The following ICAM5 variants were observed in gnomAD, a reference collection of about 807,000 sequenced individuals.
The protein encoded by ICAM5 is ICAM-5.
ICAM5 carries 38 observed loss-of-function variants against 78.8 expected under a neutral mutation model. The observed-to-expected ratio is 0.48, with a 90% confidence interval of 0.37 to 0.63. The LOEUF (loss-of-function observed/expected upper bound fraction) is 0.63. Ranked by LOEUF, ICAM5 falls within the 30% of genes least tolerant of loss-of-function variation. The probability of loss-of-function intolerance (pLI) is 0.00; values close to 1 mark genes in which losing one functional copy is unlikely to be tolerated. For synonymous variants in ICAM5, 544 were observed against 590.9 expected, an observed-to-expected ratio of 0.92 and a Z score of 1.15; for missense variants, 1,059 against 1,303.0, an observed-to-expected ratio of 0.81 and a Z score of 2.88.
In ICAM5 at chr19:10,295,401, A is replaced by C. The variant is rs2040211930; in HGVS notation, c.2286A>C (p.Gly762=). The change falls in exon 10 of 11, where the codon GGA becomes GGC. Residue 762 remains glycine, a synonymous_variant. Transcript: ENST00000221980. ...AASPPGGVRP[G]GNFTLTCRAE... ...CGCCCCCTGGAGGCGTGCGCCCAGG[A>C]GGAAACTTCACGTTGACCTGCCGCG... The C allele has an allele frequency of 6.2e-7, 1 of 1,604,694 alleles. No homozygotes were observed. Among genetic ancestry groups the C allele is most frequent in the African/African-American group, 1.3e-5 (1 of 74,740 alleles).
chr19:10,293,398 C>CT lies in ICAM5; in HGVS notation c.1465+154dup. On this transcript the variant is annotated intron_variant, in intron 6 of 10. Transcript: ENST00000221980. This position sits in a 1 kb window ranked among gnomAD's most constrained non-coding sequence, Gnocchi z 5.0. ...CTGGTTAGTGGGGTTGGAGAAAGATCTTGGAGGATGGAAGGGACCGGGTGG... is the reference window on the plus strand; with the variant it reads ...CTGGTTAGTGGGGTTGGAGAAAGATCTTTGGAGGATGGAAGGGACCGGGTGG... 8.6e-7 allele frequency: 1 copy of CT among 1,163,412 alleles called. No homozygotes were observed. Among genetic ancestry groups the CT allele is most frequent in the Non-Finnish European group, 1.2e-6 (1 of 843,062 alleles). The allele number at this position is 1,163,412 out of a possible 1,614,324, so 72.1% of individuals were successfully genotyped here.
In ICAM5 at chr19:10,290,178, A is replaced by G. The variant is rs2040159351; in HGVS notation, c.82+53A>G. On this transcript the variant is annotated intron_variant, in intron 1 of 10. Coordinates refer to ENST00000221980, the MANE Select transcript of ICAM5 (RefSeq NM_003259.4). This position sits in a 1 kb window ranked among gnomAD's most constrained non-coding sequence, Gnocchi z 5.7. ...GACAGGGCGGGGGCGGAGTCCCTGG[A>G]CCTGAGAAACGGCCTCCTGTCCCTC... 1.5e-5 allele frequency: 20 copies of G among 1,327,858 alleles called. No individual in the cohort carries two copies. Among genetic ancestry groups the G allele is most frequent in the Non-Finnish European group, 2.0e-5 (20 of 992,954 alleles). The allele number at this position is 1,327,858 out of a possible 1,614,324, so 82.3% of individuals were successfully genotyped here.
chr19:10,294,381 C>T lies in ICAM5; in HGVS notation c.1991-20C>T, dbSNP rs1187011697. Reference sequence around the variant, plus strand: ...CCACGGTCCAGGCACTCCCTGACATCCCCCATGGCTGCTTTGCAGCGCCAC... The same window carrying T: ...CCACGGTCCAGGCACTCCCTGACATTCCCCATGGCTGCTTTGCAGCGCCAC... On this transcript the variant is annotated intron_variant, in intron 8 of 10. Coordinates refer to ENST00000221980, the MANE Select transcript of ICAM5 (RefSeq NM_003259.4). The surrounding 1 kb of genome is among the most constrained non-coding windows in gnomAD (Gnocchi z 7.7). 6.2e-7 allele frequency: 1 copy of T among 1,612,844 alleles called. No individual in the cohort carries two copies. Among genetic ancestry groups the T allele is most frequent in the Non-Finnish European group, 8.5e-7 (1 of 1,179,660 alleles).
chr19:10,295,072 G>C (rs2040209326), intron 9 of ICAM5, among the ~76,000 whole-genome samples: 1 of 152,280 alleles, frequency 6.6e-6, no homozygotes. Context: ...AACAGAAAAA[G>C]AAAATTATAG....
rs749948901 is a variant in ICAM5, at chr19:10,291,195, C to T, written c.206C>T (p.Thr69Ile). Residue 69 changes from threonine to isoleucine, a missense_variant, in exon 2 of 11, where the codon ACC (threonine) becomes ATC (isoleucine). By Grantham distance (89) the Thr-to-Ile change is moderately conservative. Coordinates refer to ENST00000221980, the MANE Select transcript of ICAM5 (RefSeq NM_003259.4). ...CGGCCGGAGCGCGGTGGCCTGGAGACCTCGCTGCGCCGAAACGGGACCCAG... is the reference window on the plus strand; with the variant it reads ...CGGCCGGAGCGCGGTGGCCTGGAGATCTCGCTGCGCCGAAACGGGACCCAG... ...CPRPERGGLE[T>I]SLRRNGTQRG... is the part of the protein sequence containing the mutation. 9.3e-6 allele frequency: 15 copies of T among 1,612,380 alleles called. No individual in the cohort carries two copies. The highest frequency in any genetic ancestry group is 1.3e-5 in the Non-Finnish European group (15 of 1,179,898).
rs2040219949 is a variant in ICAM5 at position 10,296,321 on chromosome 19, AG to A, written c.2498-15del. On this transcript the variant is annotated splice_polypyrimidine_tract_variant and intron_variant, in intron 10 of 10. Coordinates refer to ENST00000221980, the MANE Select transcript of ICAM5 (RefSeq NM_003259.4). ...CCCCGGAGCTTGGCCACCCTCCGCG[AG>A]GGTCTCCACCCCGCAGGTCCGTGGC... 18 of 1,230,302 alleles carry A rather than the reference AG, an allele frequency of 1.5e-5. No individual in the cohort carries two copies. The highest frequency in any genetic ancestry group is 1.7e-5 in the Non-Finnish European group (17 of 979,810). 76.2% of individuals were successfully genotyped at this position (1,230,302 alleles called of 1,614,324 possible).
chr19:10,291,186 GC>G lies in ICAM5; in HGVS notation c.199del (p.Leu67TrpfsTer57). The G allele has an allele frequency of 6.2e-7, 1 of 1,612,298 alleles. No individual in the cohort carries two copies. The highest frequency in any genetic ancestry group is 8.5e-7 in the Non-Finnish European group (1 of 1,179,902). ...STNCPRPERG[G>X]LETSLRRNGT... ...AACTGCCCTCGGCCGGAGCGCGGTG[GC>G]CTGGAGACCTCGCTGCGCCGAAACG... On this transcript the variant is annotated frameshift_variant, in exon 2 of 11. Coordinates refer to ENST00000221980, the MANE Select transcript of ICAM5 (RefSeq NM_003259.4). LOFTEE classifies it high-confidence loss of function.
chr19:10,294,699 G>T lies in ICAM5; in HGVS notation c.2230+59G>T, dbSNP rs554379963. 27 of 1,605,522 alleles carry T rather than the reference G, an allele frequency of 1.7e-5. No individual in the cohort carries two copies. In the African/African-American group the frequency reaches 2.7e-4, roughly 16 times the overall value. On this transcript the variant is annotated intron_variant, in intron 9 of 10. Transcript: ENST00000221980. The surrounding 1 kb of genome is among the most constrained non-coding windows in gnomAD (Gnocchi z 7.7). ...GGTCCTCGGAAGAATGACTCGCAGC[G>T]GTGGGAGCATTCAAGGGCACCTCTC...
rs1308827993 is a variant in ICAM5 at position 10,292,810 on chromosome 19, T to A, written c.1160T>A (p.Leu387His). ...CGCAGCTTCTTCTGCGACGCCACCC[T>A]CGATGTGGACGGGGAGACCCTGATC... Reference protein sequence around the residue: ...DRRSFFCDATLDVDGETLIKN... With the variant: ...DRRSFFCDATHDVDGETLIKN... Residue 387 changes from leucine to histidine, a missense_variant, in exon 5 of 11, where the codon CTC becomes CAC. Transcript: ENST00000221980. 6.2e-7 allele frequency: 1 copy of A among 1,612,442 alleles called. No individual in the cohort carries two copies. The highest frequency in any genetic ancestry group is 1.7e-5 in the Admixed American group (1 of 59,888).
In ICAM5 at chr19:10,294,327, G is replaced by C; in HGVS notation, c.1990+9G>C. The C allele has an allele frequency of 1.2e-6, 2 of 1,612,052 alleles. No individual in the cohort carries two copies. Among genetic ancestry groups the C allele is most frequent in the Non-Finnish European group, 1.7e-6 (2 of 1,179,198 alleles). On this transcript the variant is annotated intron_variant, in intron 8 of 10. Transcript: ENST00000221980. This position sits in a 1 kb window ranked among gnomAD's most constrained non-coding sequence, Gnocchi z 7.7. ...CGTCGTGAGCGCGGAGTGTGAGCGA[G>C]GCCCAGGCGGGTAGGGAGCAGGGGT... is the stretch of plus-strand genomic sequence containing the variant.
chr19:10,292,316 A>T lies in ICAM5; in HGVS notation c.955A>T (p.Ile319Phe), dbSNP rs1165046622. 4 of 1,598,474 alleles carry T rather than the reference A, an allele frequency of 2.5e-6. No homozygotes were observed. The African/African-American group carries it at 5.4e-5, about 21-fold the overall frequency. The part of the protein sequence containing the change: ...ENRETRENVT[I>F]YSFPAPLLTL... ...CCGGGAGACCCGGGAGAACGTGACCATCTACAGTAAGGAAGGAGGCGGGGT... is the reference window on the plus strand; with the variant it reads ...CCGGGAGACCCGGGAGAACGTGACCTTCTACAGTAAGGAAGGAGGCGGGGT... The change falls in exon 4 of 11, where the codon ATC (isoleucine) becomes TTC (phenylalanine). Residue 319 changes from isoleucine to phenylalanine, a missense_variant. Coordinates refer to ENST00000221980, the MANE Select transcript of ICAM5 (RefSeq NM_003259.4).
intron 5 of ICAM5, 64 bp from the exon 6 acceptor site, chr19:10,292,934 C>T (rs1414573699): frequency 6.2e-7 from 1 of 1,607,296 alleles, no homozygotes; most frequent in African/African-American, 1.3e-5. Context: ...GCTCCCTCAC[C>T]GTGTCGTGGA....
rs560262128 is a variant in ICAM5 at position 10,292,736 on chromosome 19, G to A, written c.1086G>A (p.Pro362=). The stretch of plus-strand genomic sequence containing the variant: ...TGGAGGGAGTTCCAGCCGCGGTCCC[G>A]GGGCAGCCCGCCCAGCTTCAGCTAA... ...VTLEGVPAAV[P]GQPAQLQLNA... Residue 362 remains proline (P), a synonymous_variant, in exon 5 of 11, where the codon CCG becomes CCA. Transcript: ENST00000221980. 3.7e-6 allele frequency: 6 copies of A among 1,613,302 alleles called. No individual in the cohort carries two copies. The Admixed American group carries it at 6.7e-5, about 18-fold the overall frequency.
In ICAM5 at chr19:10,293,717, C is replaced by T. The variant is rs370603381; in HGVS notation, c.1485C>T (p.Ser495=). Residue 495 remains serine, a synonymous_variant, in exon 7 of 11, where the codon AGC becomes AGT. Transcript: ENST00000221980. The surrounding 1 kb of genome is among the most constrained non-coding windows in gnomAD (Gnocchi z 5.0). ...CTCCAGACGCACCAGCGCTGGACAGCGTGGGCTGCCCAGAACGCATTACTT... is the reference window on the plus strand; with the variant it reads ...CTCCAGACGCACCAGCGCTGGACAGTGTGGGCTGCCCAGAACGCATTACTT... ...LTVEYAPALD[S]VGCPERITWL... 1.9e-6 allele frequency: 3 copies of T among 1,613,664 alleles called. No individual in the cohort carries two copies. The highest frequency in any genetic ancestry group is 2.5e-6 in the Non-Finnish European group (3 of 1,180,002).
At chr19:10,296,218 A>G (rs2040219044) in intron 10 of ICAM5, 121 bp from the exon 11 acceptor site, 4 of 1,018,626 alleles carry the variant, frequency 3.9e-6, no homozygotes, top group Non-Finnish European at 5.0e-6. Context: ...CCCTTCTCCC[A>G]AGGCCAGACA....
At position 10,296,663 on chromosome 19, in the gene ICAM5, C is replaced by A; in HGVS notation, c.*47C>A. 8.3e-7 allele frequency: 1 copy of A among 1,199,626 alleles called. No homozygotes were observed. Among genetic ancestry groups the A allele is most frequent in the Non-Finnish European group, 1.0e-6 (1 of 964,384 alleles). 74.3% of individuals were successfully genotyped at this position (1,199,626 alleles called of 1,614,324 possible). A position where few individuals can be genotyped will look rare whatever the true frequency, so the allele number is the denominator to read the frequency against. ...GGCCGGGGGACGCCCCCCAGACTCA[C>A]ACGGGGGCTTATTTATTGCTTTATT... On this transcript the variant is annotated 3_prime_UTR_variant, in exon 11 of 11. Transcript: ENST00000221980.
At position 10,289,994 on chromosome 19, in the gene ICAM5, G is replaced by C; in HGVS notation, c.-50G>C. 6.7e-7 allele frequency: 1 copy of C among 1,486,112 alleles called. No homozygotes were observed. Among genetic ancestry groups the C allele is most frequent in the South Asian group, 1.2e-5 (1 of 81,962 alleles). The allele number at this position is 1,486,112 out of a possible 1,614,324, so 92.1% of individuals were successfully genotyped here. A position where few individuals can be genotyped will look rare whatever the true frequency, so the allele number is the denominator to read the frequency against. ...CCGCGCGGAGCCGTCCTCTAGCCCAGCTCCTCGGCTCGCGCTCTCCTCGCC... is the reference window on the plus strand; with the variant it reads ...CCGCGCGGAGCCGTCCTCTAGCCCACCTCCTCGGCTCGCGCTCTCCTCGCC... On this transcript the variant is annotated 5_prime_UTR_variant, in exon 1 of 11. Transcript: ENST00000221980.
In ICAM5 at chr19:10,295,349, G is replaced by C; in HGVS notation, c.2234G>C (p.Arg745Pro). The change falls in exon 10 of 11, where the codon CGG (arginine) becomes CCG (proline). Residue 745 changes from arginine to proline, a missense_variant. This residue lies in a region of ICAM5 where 135 missense variants were observed against 230.2 expected (regional missense o/e 0.59). Transcript: ENST00000221980. ...CTTCACCTTCTGTGCCCTTCAGACCGGCCAGTGGTGGCCGAACTTGCTGCC... is the reference window on the plus strand; with the variant it reads ...CTTCACCTTCTGTGCCCTTCAGACCCGCCAGTGGTGGCCGAACTTGCTGCC... ...SRTVTVGVEYRPVVAELAASP... is the reference protein window; with the variant it reads ...SRTVTVGVEYPPVVAELAASP... 3 of 1,555,890 alleles carry C rather than the reference G, an allele frequency of 1.9e-6. No homozygotes were observed. Among genetic ancestry groups the C allele is most frequent in the Non-Finnish European group, 2.6e-6 (3 of 1,155,940 alleles).
chr19:10,296,698 A>G lies in ICAM5; in HGVS notation c.*82A>G. The G allele has an allele frequency of 1.8e-6, 2 of 1,122,662 alleles. No individual in the cohort carries two copies. The highest frequency in any genetic ancestry group is 4.0e-5 in the East Asian group (1 of 25,032). The allele number at this position is 1,122,662 out of a possible 1,614,324, so 69.5% of individuals were successfully genotyped here. A position where few individuals can be genotyped will look rare whatever the true frequency, so the allele number is the denominator to read the frequency against. On this transcript the variant is annotated 3_prime_UTR_variant, in exon 11 of 11. Transcript: ENST00000221980. ...TATTTATTGCTTTATTTATTTACTTATTCATTTATTTATGTATTCAACTCC... is the reference window on the plus strand; with the variant it reads ...TATTTATTGCTTTATTTATTTACTTGTTCATTTATTTATGTATTCAACTCC...
Sources: gnomAD v4.1 joint callset for allele counts (sites outside exome capture counted in the v4.1 genomes callset) on GRCh38, gnomAD v4.1.1 for gene constraint, gnomAD v4.1.1 regional missense constraint, Gnocchi (gnomAD v3.1) non-coding constraint, MANE v1.5 for transcripts, NCBI Gene and HGNC (gene_info 2026-07-23, HGNC 2026-07-21) for gene names.